MELK: variants seen among roughly 807,000 people sequenced by gnomAD.
The protein encoded by MELK is pEg3 kinase.
Under a neutral mutation model 85.0 loss-of-function variants are expected in MELK, and 81 were observed. The ratio of observed to expected loss-of-function variants is 0.95; its 90% CI spans 0.80 to 1.15. The LOEUF is 1.15. Among genes scored for constraint, MELK ranks in the 50% most tolerant of loss-of-function variants. The probability of loss-of-function intolerance (pLI) is 0.00; values close to 1 mark genes in which losing one functional copy is unlikely to be tolerated. For synonymous variants in MELK, 252 were observed against 265.0 expected, an observed-to-expected ratio of 0.95 and a Z score of 0.48; for missense variants, 754 against 777.5, an observed-to-expected ratio of 0.97 and a Z score of 0.36.
chr9:36,575,263 G>A (rs1334022641), intron 1 of MELK, among the ~76,000 whole-genome samples: 1 of 152,204 alleles, frequency 6.6e-6, no homozygotes, highest in African/African-American at 2.4e-5. Flanking sequence ...CAGTTGAGAG[G>A]CTGTCTTCCG....
chr9:36,648,531 GC>G (rs1830422396), intron 11 of MELK, among the ~76,000 whole-genome samples: 1 of 142,632 alleles, frequency 7.0e-6, no homozygotes, highest in African/African-American at 3.1e-5. Flanking sequence ...ACCAAATACA[GC>G]TCAGATGCGG....
intron 8 of MELK, among the ~76,000 whole-genome samples, chr9:36,609,091 A>C (rs77799328): frequency 6.6e-6 from 1 of 152,294 alleles, no homozygotes; most frequent in Non-Finnish European, 1.5e-5. Flanking sequence ...CCTATATATC[A>C]GAGACAGAGA....
At chr9:36,660,319 A>G (rs1213510506) in intron 13 of MELK, among the ~76,000 whole-genome samples, 1 of 151,896 alleles carries the variant, frequency 6.6e-6, no homozygotes, top group Non-Finnish European at 1.5e-5. Context: ...ATTGCCTGTA[A>G]ATTTTTTTTT....
At chr9:36,633,627 A>G (rs1828853205) in intron 10 of MELK, among the ~76,000 whole-genome samples, 1 of 152,214 alleles carries the variant, frequency 6.6e-6, no homozygotes, top group Non-Finnish European at 1.5e-5. Context: ...TTATACTCTT[A>G]ATATTTATTT....
intron 12 of MELK, among the ~76,000 whole-genome samples, chr9:36,656,393 T>C (rs551163132): frequency 6.6e-6 from 1 of 152,340 alleles, no homozygotes; most frequent in South Asian, 2.1e-4. Context: ...GACATATTAT[T>C]TGAGAGTCGG....
At chr9:36,582,356 G>T (rs1373770019) in intron 2 of MELK, among the ~76,000 whole-genome samples, 2 of 152,130 alleles carry the variant, frequency 1.3e-5, no homozygotes, top group Admixed American at 1.3e-4. Flanking sequence ...TTACAGAGTT[G>T]CTGTGGCTGC....
chr9:36,587,270 T>C (rs1404277364), intron 3 of MELK, among the ~76,000 whole-genome samples: 2 of 151,980 alleles, frequency 1.3e-5, no homozygotes, highest in African/African-American at 2.4e-5. Flanking sequence ...TGCATAGTCC[T>C]GGATAACTGG....
intron 13 of MELK, among the ~76,000 whole-genome samples, chr9:36,660,128 C>G (rs763008779): frequency 7.9e-5 from 12 of 151,964 alleles, no homozygotes; most frequent in Admixed American, 5.2e-4. Context: ...AGCAAATGCA[C>G]AGCCCTGGGT....
chr9:36,626,753 T>C lies in MELK; in HGVS notation c.667-3546T>C, dbSNP rs536022460. On this transcript the variant is annotated intron_variant, in intron 8 of 17. Transcript: ENST00000298048. ...CGGGCGGATCACCTGAGGTCAGTAGTTCGAGATCAGCCTGACCAACATGGT... is the reference window on the plus strand; with the variant it reads ...CGGGCGGATCACCTGAGGTCAGTAGCTCGAGATCAGCCTGACCAACATGGT... 2.0e-5 allele frequency among the ~76,000 whole-genome samples: 3 copies of C among 151,868 alleles called. No homozygotes were observed. In the South Asian group the frequency reaches 6.2e-4, roughly 32 times the overall value.
At chr9:36,610,483 G>A (rs909292940) in intron 8 of MELK, among the ~76,000 whole-genome samples, 1 of 152,208 alleles carries the variant, frequency 6.6e-6, no homozygotes, top group Non-Finnish European at 1.5e-5. Context: ...TATTAACACC[G>A]CTTTGGGGAC....
chr9:36,675,052 G>C (rs1833228134), intron 17 of MELK, 115 bp downstream of exon 17: 1 of 623,058 alleles, frequency 1.6e-6, no homozygotes, highest in South Asian at 1.9e-5. Flanking sequence ...TTGGGAGGCT[G>C]AGGTGGGCAG....
chr9:36,608,431 A>G (rs1825773545), intron 8 of MELK, among the ~76,000 whole-genome samples: 1 of 151,654 alleles, frequency 6.6e-6, no homozygotes, highest in Non-Finnish European at 1.5e-5. Flanking sequence ...ATATATATAT[A>G]TATGGAAAGA....
In MELK at chr9:36,583,666, C is replaced by T. The variant is rs1822505542; in HGVS notation, c.98C>T (p.Thr33Ile). The stretch of plus-strand genomic sequence containing the variant: ...GTCAAACTTGCCTGCCATATCCTTA[C>T]TGGAGAGATGGTAGCTATAAAAATC... ...AKVKLACHIL[T>I]GEMVAIKIMD... Residue 33 changes from threonine (T) to isoleucine (I), a missense_variant, in exon 3 of 18, where the codon ACT becomes ATT. Transcript: ENST00000298048. 1 of 1,612,738 alleles carries T rather than the reference C, an allele frequency of 6.2e-7. No homozygotes were observed. The highest frequency in any genetic ancestry group is 8.5e-7 in the Non-Finnish European group (1 of 1,179,296).
intron 3 of MELK, among the ~76,000 whole-genome samples, chr9:36,585,763 T>A (rs1220534107): frequency 3.3e-5 from 5 of 151,724 alleles, no homozygotes; most frequent in African/African-American, 9.7e-5. Context: ...ATGGCAAGTC[T>A]TGTCCCTACA....
At chr9:36,603,855 T>C (rs1227751245) in intron 7 of MELK, among the ~76,000 whole-genome samples, 1 of 152,236 alleles carries the variant, frequency 6.6e-6, no homozygotes, top group East Asian at 1.9e-4. Flanking sequence ...CTTTTTCTGC[T>C]TTCTTTTTTC....
chr9:36,636,241 C>A lies in MELK; in HGVS notation c.834+3041C>A, dbSNP rs7850115. On this transcript the variant is annotated intron_variant, in intron 10 of 17. Coordinates refer to ENST00000298048, the MANE Select transcript of MELK (RefSeq NM_014791.4). ...TAATTTGGCTGGGCACGGTGGCTCA[C>A]GCCTGTAATCCTAGCACTTTGGGAG... 8.1e-3 allele frequency among the ~76,000 whole-genome samples: 1,238 copies of A among 152,026 alleles called. 13 individuals are homozygous for A. The highest frequency in any genetic ancestry group is 0.028 in the African/African-American group (1,181 of 41,466).
At chr9:36,641,900 C>T (rs894251103) in intron 10 of MELK, among the ~76,000 whole-genome samples, 3 of 152,152 alleles carry the variant, frequency 2.0e-5, no homozygotes, top group African/African-American at 4.8e-5. Context: ...AGCCACCGCA[C>T]CTGGCCTAAG....
intron 12 of MELK, among the ~76,000 whole-genome samples, 165 bp downstream of exon 12, chr9:36,652,042 A>ATTTTTTTTTTTTTTTTTTTTTTT (rs11465173): frequency 1.1e-5 from 1 of 91,392 alleles, no homozygotes; most frequent in Non-Finnish European, 2.0e-5. Flanking sequence ...TTGAACTCTA[A>ATTTTTTTTTTTTTTTTTTTTTTT]TTTTTTTTTT....
At chr9:36,662,541 G>A (rs773564621) in intron 13 of MELK, among the ~76,000 whole-genome samples, 3 of 152,124 alleles carry the variant, frequency 2.0e-5, no homozygotes, top group Admixed American at 1.3e-4. Flanking sequence ...CCTGCACCCT[G>A]CTGTGAATCT....
Sources: allele counts gnomAD v4.1 joint callset (sites outside exome capture counted in the v4.1 genomes callset), GRCh38; gene constraint gnomAD v4.1.1; transcripts MANE v1.5; gene names NCBI Gene and HGNC (gene_info 2026-07-23, HGNC 2026-07-21).